The following GRM8 variants were observed in gnomAD, a reference collection of about 807,000 sequenced individuals.
GRM8 encodes the protein glutamate metabotropic receptor 8.
A neutral mutation model predicts 87.2 loss-of-function variants in GRM8; 47 were observed. That is an observed-to-expected ratio of 0.54 (90% CI 0.43 to 0.69). The LOEUF is 0.69. Ranked by LOEUF, GRM8 falls within the 30% of genes least tolerant of loss-of-function variation. GRM8 has a pLI of 0.00. For synonymous variants in GRM8, 396 were observed against 404.5 expected, an observed-to-expected ratio of 0.98 and a Z score of 0.25; for missense variants, 1,019 against 1,139.2, an observed-to-expected ratio of 0.89 and a Z score of 1.52.
At chr7:126,648,665 C>A (rs1321688556) in intron 7 of GRM8, among the ~76,000 whole-genome samples, 1 of 152,182 alleles carries the variant, frequency 6.6e-6, no homozygotes, top group African/African-American at 2.4e-5. Flanking sequence ...GCTTTTGGAT[C>A]AGGGATGACA....
chr7:126,658,150 A>T (rs953376425), intron 7 of GRM8, among the ~76,000 whole-genome samples: 4 of 152,234 alleles, frequency 2.6e-5, no homozygotes, highest in African/African-American at 9.6e-5. Flanking sequence ...AACAGGTGAG[A>T]TTCAGCTGAG....
chr7:126,910,229 T>C (rs1185665947), intron 3 of GRM8, among the ~76,000 whole-genome samples: 1 of 152,204 alleles, frequency 6.6e-6, no homozygotes, highest in Non-Finnish European at 1.5e-5. Context: ...GAGGTTCTTG[T>C]CTTCCACTTC....
At position 126,585,278 on chromosome 7, in the gene GRM8, A is replaced by G. The variant is rs1208547521; in HGVS notation, c.1494+24084T>C. ...ATGAATATGGAAATTGAGGCACTAC[A>G]TATTAAACAATAAGGCATAAACCCA... is the stretch of plus-strand genomic sequence containing the variant. On this transcript the variant is annotated intron_variant, in intron 8 of 10. Transcript: ENST00000339582. 3.3e-5 allele frequency among the ~76,000 whole-genome samples: 5 copies of G among 152,336 alleles called. No individual in the cohort carries two copies. The East Asian group carries it at 9.6e-4, about 29-fold the overall frequency.
chr7:126,833,029 C>A (rs1180717245), intron 6 of GRM8, among the ~76,000 whole-genome samples: 1 of 152,194 alleles, frequency 6.6e-6, no homozygotes, highest in Non-Finnish European at 1.5e-5. Context: ...ACATGGTATT[C>A]TCAAATTTAA....
At chr7:126,758,094 C>T (rs1490648559) in intron 7 of GRM8, among the ~76,000 whole-genome samples, 1 of 152,056 alleles carries the variant, frequency 6.6e-6, no homozygotes, top group Non-Finnish European at 1.5e-5. Flanking sequence ...TTATCAGATG[C>T]TTTGAAATCT....
chr7:126,455,109 T>C (rs976076423), intron 9 of GRM8, among the ~76,000 whole-genome samples: 34 of 151,726 alleles, frequency 2.2e-4, no homozygotes, highest in South Asian at 4.1e-4. Flanking sequence ...TTATTGAGGA[T>C]CAAGTACAGC....
chr7:126,866,915 A>T (rs958981900), intron 6 of GRM8, among the ~76,000 whole-genome samples: 18 of 151,968 alleles, frequency 1.2e-4, no homozygotes, highest in Non-Finnish European at 2.5e-4. Context: ...TATGGTTTGA[A>T]CACAGTGGTA....
At position 126,565,394 on chromosome 7, in the gene GRM8, C is replaced by T. The variant is rs140219321; in HGVS notation, c.1495-31507G>A. Among the ~76,000 whole-genome samples the T allele has an allele frequency of 5.5e-4, 83 of 152,050 alleles. No individual in the cohort carries two copies. In the East Asian group the frequency reaches 0.015, roughly 27 times the overall value. On this transcript the variant is annotated intron_variant, in intron 8 of 10. Coordinates refer to ENST00000339582, the MANE Select transcript of GRM8 (RefSeq NM_000845.3). ...ATCAACATAAAAATCAATTGTATTG[C>T]TATGTATTAATGACAAACTATCTGA...
chr7:126,780,834 T>C (rs892603507), intron 6 of GRM8, among the ~76,000 whole-genome samples: 8 of 152,130 alleles, frequency 5.3e-5, no homozygotes, highest in Non-Finnish European at 1.2e-4. Flanking sequence ...TAACCAGATT[T>C]CCAGTTCTAA....
chr7:127,139,661 C>A (rs567061832), intron 2 of GRM8, among the ~76,000 whole-genome samples: 1 of 152,006 alleles, frequency 6.6e-6, no homozygotes, highest in Non-Finnish European at 1.5e-5. Context: ...TACATCATTA[C>A]GATTGTTTTC....
intron 9 of GRM8, among the ~76,000 whole-genome samples, chr7:126,504,451 G>A (rs1216090140): frequency 6.6e-6 from 1 of 151,880 alleles, no homozygotes; most frequent in Admixed American, 6.6e-5. Context: ...TAATGTGTAT[G>A]TATGGTGCCA....
intron 9 of GRM8, among the ~76,000 whole-genome samples, chr7:126,523,908 C>T (rs1182554275): frequency 6.6e-6 from 1 of 152,136 alleles, no homozygotes; most frequent in African/African-American, 2.4e-5. Context: ...ATTTACATTA[C>T]TTACATTAGT....
In GRM8 at chr7:126,766,089, A is replaced by G. The variant is rs563538161; in HGVS notation, c.1357+3776T>C. Among the ~76,000 whole-genome samples the G allele has an allele frequency of 3.3e-5, 5 of 152,236 alleles. No individual in the cohort carries two copies. In the East Asian group the frequency reaches 9.6e-4, roughly 29 times the overall value. On this transcript the variant is annotated intron_variant, in intron 7 of 10. Transcript: ENST00000339582. ...CTAGTCATTTATCACTCTAAATTCT[A>G]ACATATTCTTTGCTTTGTCAATTAA...
intron 6 of GRM8, among the ~76,000 whole-genome samples, chr7:126,867,132 C>A (rs967700711): frequency 6.6e-6 from 1 of 152,060 alleles, no homozygotes; most frequent in Non-Finnish European, 1.5e-5. Context: ...TTACATATTT[C>A]CAGGTGTGTG....
At chr7:127,002,101 T>A (rs1462119696) in intron 3 of GRM8, among the ~76,000 whole-genome samples, 3 of 151,606 alleles carry the variant, frequency 2.0e-5, no homozygotes, top group Non-Finnish European at 4.4e-5. Context: ...AAAGGGTCTA[T>A]ATCTTTATAG....
chr7:127,101,125 T>A (rs889888676), intron 3 of GRM8, among the ~76,000 whole-genome samples: 1 of 152,188 alleles, frequency 6.6e-6, no homozygotes, highest in African/African-American at 2.4e-5. Context: ...AACTTTAATT[T>A]CTTTCATACC....
chr7:127,060,527 G>T (rs926204023), intron 3 of GRM8, among the ~76,000 whole-genome samples: 3 of 152,036 alleles, frequency 2.0e-5, no homozygotes, highest in African/African-American at 7.2e-5. Flanking sequence ...TATGAAATTT[G>T]CTTGAATAAG....
At chr7:126,977,684 A>G (rs1811143096) in intron 3 of GRM8, among the ~76,000 whole-genome samples, 1 of 152,216 alleles carries the variant, frequency 6.6e-6, no homozygotes, top group Non-Finnish European at 1.5e-5. Flanking sequence ...CTATATTCAA[A>G]CGGTGTTAAC....
At chr7:126,548,113 C>T (rs1425401278) in intron 8 of GRM8, among the ~76,000 whole-genome samples, 1 of 151,606 alleles carries the variant, frequency 6.6e-6, no homozygotes, top group Non-Finnish European at 1.5e-5. Context: ...TTGGAGAAGC[C>T]GGAGAGACTC....
Sources: allele counts gnomAD v4.1 joint callset (sites outside exome capture counted in the v4.1 genomes callset), GRCh38; gene constraint gnomAD v4.1.1; transcripts MANE v1.5; gene names NCBI Gene and HGNC (gene_info 2026-07-23, HGNC 2026-07-21).